Variants in LAMA3 observed in about 807,000 individuals in gnomAD.
LAMA3 encodes the protein laminin subunit alpha-3.
Under a neutral mutation model 402.0 loss-of-function variants are expected in LAMA3, and 281 were observed. The ratio of observed to expected loss-of-function variants is 0.70; its 90% CI spans 0.63 to 0.77. The LOEUF (loss-of-function observed/expected upper bound fraction) is 0.77, where lower values mean the gene tolerates loss of function less well. Ranked by LOEUF, LAMA3 falls within the 30% of genes least tolerant of loss-of-function variation. LAMA3 has a pLI of 0.00. For synonymous variants in LAMA3, 1,431 were observed against 1,558.4 expected, an observed-to-expected ratio of 0.92 and a Z score of 1.93; for missense variants, 3,840 against 4,215.5, an observed-to-expected ratio of 0.91 and a Z score of 2.47.
At chr18:23,949,634 G>A (rs893146481) in intron 70 of LAMA3, 131 bp from the exon 71 acceptor site, 2 of 887,954 alleles carry the variant, frequency 2.3e-6, no homozygotes, top group Non-Finnish European at 3.7e-6. Context: ...AACCTGACTT[G>A]GAAGCGGGAA....
intron 44 of LAMA3, among the ~76,000 whole-genome samples, chr18:23,896,454 G>A (rs2080876885): frequency 6.6e-6 from 1 of 152,184 alleles, no homozygotes; most frequent in Non-Finnish European, 1.5e-5. Flanking sequence ...CTCTTTCATG[G>A]TCAGAGAACA....
chr18:23,789,010 T>C (rs79656397), intron 12 of LAMA3, among the ~76,000 whole-genome samples: 5,022 of 152,026 alleles, frequency 0.033, 272 homozygotes, highest in African/African-American at 0.11. Flanking sequence ...AAAGGCAACC[T>C]GAAAATGAGT....
intron 5 of LAMA3, among the ~76,000 whole-genome samples, chr18:23,752,528 G>A (rs751810057): frequency 2.6e-5 from 4 of 152,080 alleles, no homozygotes; most frequent in Non-Finnish European, 4.4e-5. Flanking sequence ...CACAGATCAC[G>A]TGTGCTGCTG....
At chr18:23,761,825 A>G (rs1224412123) in intron 7 of LAMA3, among the ~76,000 whole-genome samples, 3 of 152,252 alleles carry the variant, frequency 2.0e-5, no homozygotes, top group Non-Finnish European at 4.4e-5. Context: ...ATTTAAATAC[A>G]TTAGTTGTTA....
intron 2 of LAMA3, among the ~76,000 whole-genome samples, chr18:23,740,470 A>C (rs1040145127): frequency 6.6e-5 from 10 of 152,104 alleles, no homozygotes; most frequent in African/African-American, 2.4e-4. Flanking sequence ...TGGTGACCCA[A>C]ATCTTTAGAC....
intron 7 of LAMA3, among the ~76,000 whole-genome samples, chr18:23,759,709 T>C (rs1959728373): frequency 6.6e-6 from 1 of 152,182 alleles, no homozygotes; most frequent in Non-Finnish European, 1.5e-5. Context: ...TGACCAAATA[T>C]TTTTTGTAAC....
At chr18:23,783,661 C>T (rs935111189) in intron 11 of LAMA3, among the ~76,000 whole-genome samples, 1 of 152,130 alleles carries the variant, frequency 6.6e-6, no homozygotes, top group African/African-American at 2.4e-5. Flanking sequence ...CTTCTAAAAA[C>T]TGGAAGGAAG....
At chr18:23,941,333 C>A (rs1455036755) in intron 68 of LAMA3, among the ~76,000 whole-genome samples, 7 of 143,808 alleles carry the variant, frequency 4.9e-5, no homozygotes, top group East Asian at 2.1e-4. Context: ...GGCGCCCCCC[C>A]CCCGCCCGGC....
rs1351715684 is a variant in LAMA3, at chr18:23,879,592, T to C, written c.5113-2344T>C. 6.6e-6 allele frequency among the ~76,000 whole-genome samples: 1 copy of C among 152,224 alleles called. No individual in the cohort carries two copies. The highest frequency in any genetic ancestry group is 2.4e-5 in the African/African-American group (1 of 41,454). ...GGGCATATAGTAAATGCCTAATAGA[T>C]ATTTGGTGACAAATGGAGCTAGGAG... On this transcript the variant is annotated intron_variant, in intron 39 of 74. Transcript: ENST00000313654. The surrounding 1 kb of genome is among the most constrained non-coding windows in gnomAD (Gnocchi z 4.2).
At chr18:23,894,207 T>C in intron 42 of LAMA3, 91 bp from the exon 43 acceptor site, 1 of 1,032,818 alleles carries the variant, frequency 9.7e-7, no homozygotes. Context: ...AATAAAACTT[T>C]GCAAAACTAG....
chr18:23,866,284 G>A (rs1420578666), intron 36 of LAMA3, among the ~76,000 whole-genome samples: 1 of 151,704 alleles, frequency 6.6e-6, no homozygotes. Flanking sequence ...CTCTATTTCT[G>A]GTTTATTGGG....
Position 23,914,737 on chromosome 18 carries a change from C to A in LAMA3, c.7521C>A (p.Ala2507=), listed in dbSNP as rs1357613051. 1 of 1,613,718 alleles carries A rather than the reference C, an allele frequency of 6.2e-7. No individual in the cohort carries two copies. Among genetic ancestry groups the A allele is most frequent in the South Asian group, 1.1e-5 (1 of 91,058 alleles). The part of the protein sequence containing the change: ...QFARLNYTKG[A]TSSKPETPGV... The stretch of plus-strand genomic sequence containing the variant: ...CAAGGCTTAATTACACCAAAGGAGC[C>A]ACATCCAGTAAACCAGAAACACCCG... Residue 2507 remains alanine, a synonymous_variant, in exon 58 of 75, where the codon GCC becomes GCA. Transcript: ENST00000313654.
At chr18:23,913,484 G>C (rs1370689217) in intron 56 of LAMA3, among the ~76,000 whole-genome samples, 3 of 152,160 alleles carry the variant, frequency 2.0e-5, no homozygotes, top group African/African-American at 7.2e-5. Context: ...TGAATGGCTG[G>C]CTTTAGCTTT....
intron 34 of LAMA3, 66 bp from the exon 35 acceptor site, chr18:23,861,580 C>A: frequency 6.4e-7 from 1 of 1,568,058 alleles, no homozygotes; most frequent in Non-Finnish European, 8.8e-7. Flanking sequence ...GTACATCATG[C>A]ACCCATCACC....
chr18:23,783,935 T>C, intron 11 of LAMA3, 88 bp from the exon 12 acceptor site: 1 of 1,489,384 alleles, frequency 6.7e-7, no homozygotes, highest in Non-Finnish European at 9.4e-7. Context: ...ATAATCTATA[T>C]TCCCATGATA....
intron 32 of LAMA3, among the ~76,000 whole-genome samples, chr18:23,850,911 TG>T: frequency 6.6e-6 from 1 of 152,244 alleles, no homozygotes; most frequent in Non-Finnish European, 1.5e-5. Context: ...TCAAAGGAGA[TG>T]GCAGTCCACC....
At chr18:23,747,387 C>T (rs139040674) in intron 2 of LAMA3, among the ~76,000 whole-genome samples, 8 of 152,096 alleles carry the variant, frequency 5.3e-5, no homozygotes, top group East Asian at 1.9e-4. Context: ...GTGATGAGGG[C>T]GAATGAGAAA....
intron 48 of LAMA3, among the ~76,000 whole-genome samples, chr18:23,901,965 A>T (rs2081085728): frequency 6.6e-6 from 1 of 152,200 alleles, no homozygotes; most frequent in Non-Finnish European, 1.5e-5. Context: ...AAGTGATGGG[A>T]TTACAGGCGT....
At chr18:23,781,035 C>T (rs557649000) in intron 11 of LAMA3, among the ~76,000 whole-genome samples, 4 of 152,268 alleles carry the variant, frequency 2.6e-5, no homozygotes, top group South Asian at 2.1e-4. Flanking sequence ...GCAGTAGAGA[C>T]GGACTCAAGG....
Sources: gnomAD v4.1 joint callset for allele counts (sites outside exome capture counted in the v4.1 genomes callset) on GRCh38, gnomAD v4.1.1 for gene constraint, Gnocchi (gnomAD v3.1) non-coding constraint, MANE v1.5 for transcripts, NCBI Gene and HGNC (gene_info 2026-07-23, HGNC 2026-07-21) for gene names.